The following DIS3L2 variants were observed in gnomAD, a reference collection of about 807,000 sequenced individuals.
DIS3L2 encodes the protein DIS3 like 3'-5' exoribonuclease 2, also known as DIS3-like exonuclease 2.
A neutral mutation model predicts 97.5 loss-of-function variants in DIS3L2; 34 were observed. The observed-to-expected ratio is 0.35, with a 90% CI of 0.27 to 0.46. The LOEUF is 0.46. Among genes scored for constraint, DIS3L2 ranks in the 20% least tolerant of loss-of-function variants. The pLI is 1.00. For synonymous variants in DIS3L2, 435 were observed against 445.2 expected, an observed-to-expected ratio of 0.98 and a Z score of 0.29; for missense variants, 1,038 against 1,146.0, an observed-to-expected ratio of 0.91 and a Z score of 1.36.
chr2:232,019,250 A>G (rs1694443451), intron 3 of DIS3L2, among the ~76,000 whole-genome samples: 1 of 152,178 alleles, frequency 6.6e-6, no homozygotes, highest in South Asian at 2.1e-4. Context: ...GACCTTCACC[A>G]TTTGTTAAGA....
At chr2:232,116,192 A>AAATG (rs1478954879) in intron 6 of DIS3L2, among the ~76,000 whole-genome samples, 5 of 150,750 alleles carry the variant, frequency 3.3e-5, no homozygotes, top group African/African-American at 1.2e-4. Context: ...ATGAATAAAT[A>AAATG]AATAAATAAA....
At chr2:232,045,060 A>G (rs745686816) in intron 5 of DIS3L2, among the ~76,000 whole-genome samples, 1 of 152,144 alleles carries the variant, frequency 6.6e-6, no homozygotes, top group Non-Finnish European at 1.5e-5. Context: ...GATAGAGAAA[A>G]AATCCTGGGT....
chr2:232,321,617 C>T (rs10933389), intron 14 of DIS3L2, among the ~76,000 whole-genome samples: 9 of 152,116 alleles, frequency 5.9e-5, no homozygotes, highest in East Asian at 3.9e-4. Context: ...GGCAGTGACG[C>T]GAAACCAAGA....
At chr2:232,163,044 C>G (rs1231506478) in intron 8 of DIS3L2, among the ~76,000 whole-genome samples, 2 of 151,930 alleles carry the variant, frequency 1.3e-5, no homozygotes, top group East Asian at 3.8e-4. Context: ...AGATTAAAAA[C>G]TGGTAGAGTT....
chr2:232,084,460 G>C (rs556044817), intron 5 of DIS3L2, among the ~76,000 whole-genome samples: 5 of 152,144 alleles, frequency 3.3e-5, no homozygotes, highest in Non-Finnish European at 7.3e-5. Flanking sequence ...TGCTCAAAAA[G>C]TTTCAGATTT....
chr2:232,230,395 C>T (rs1433979206), intron 10 of DIS3L2, among the ~76,000 whole-genome samples: 7 of 152,202 alleles, frequency 4.6e-5, no homozygotes, highest in Admixed American at 1.3e-4. Flanking sequence ...ACATCCCTTT[C>T]GCTCAGCCCC....
intron 14 of DIS3L2, among the ~76,000 whole-genome samples, chr2:232,317,509 T>C (rs1234870704): frequency 6.6e-6 from 1 of 152,184 alleles, no homozygotes; most frequent in Non-Finnish European, 1.5e-5. Flanking sequence ...CGATCTCTGC[T>C]CACTGTAACC....
chr2:232,330,583 A>G (rs892080407), intron 15 of DIS3L2, 107 bp from the exon 16 acceptor site: 2 of 1,190,276 alleles, frequency 1.7e-6, no homozygotes, highest in Non-Finnish European at 2.5e-6. Context: ...CCCACAGGCA[A>G]CTCCTCCCCC....
intron 8 of DIS3L2, among the ~76,000 whole-genome samples, chr2:232,139,253 C>A (rs576613452): frequency 6.6e-6 from 1 of 152,292 alleles, no homozygotes; most frequent in African/African-American, 2.4e-5. Context: ...CTGTGACTAG[C>A]CCAGCCACCA....
At position 231,966,159 on chromosome 2, in the gene DIS3L2, C is replaced by A. The variant is rs564101811; in HGVS notation, c.-94+4394C>A. On this transcript the variant is annotated intron_variant, in intron 1 of 20. Coordinates refer to ENST00000325385, the MANE Select transcript of DIS3L2 (RefSeq NM_152383.5). ...AGGGAGTGGAGACTTGACCAGAATT[C>A]TTCTTCTTCTTCTTTTTTTTTTTTT... Among the ~76,000 whole-genome samples, 82 of 138,660 alleles carry A rather than the reference C, an allele frequency of 5.9e-4. No homozygotes were observed. The South Asian group carries it at 0.01, about 17-fold the overall frequency. The allele number at this position is 138,660 out of a possible 152,430, so 91.0% of individuals were successfully genotyped here.
At chr2:232,250,194 A>G (rs1355421013) in intron 12 of DIS3L2, among the ~76,000 whole-genome samples, 1 of 152,232 alleles carries the variant, frequency 6.6e-6, no homozygotes, top group Non-Finnish European at 1.5e-5. Context: ...ATGGAAGAAC[A>G]TGGGAAGTGT....
At chr2:232,139,355 G>A (rs756931370) in intron 8 of DIS3L2, among the ~76,000 whole-genome samples, 2 of 152,138 alleles carry the variant, frequency 1.3e-5, no homozygotes, top group East Asian at 1.9e-4. Flanking sequence ...AACAGCACAC[G>A]TGGCCCCAAA....
chr2:232,193,043 G>A (rs1170258736), intron 9 of DIS3L2, among the ~76,000 whole-genome samples: 2 of 152,086 alleles, frequency 1.3e-5, no homozygotes, highest in African/African-American at 4.8e-5. Flanking sequence ...CAGCTACCAC[G>A]GTGCTCTCCG....
intron 11 of DIS3L2, among the ~76,000 whole-genome samples, chr2:232,247,406 G>C (rs944888012): frequency 6.6e-6 from 1 of 152,082 alleles, no homozygotes; most frequent in Admixed American, 6.5e-5. Context: ...GTCTCTTCTT[G>C]ATTTGTATAT....
chr2:232,022,776 G>A (rs1003166809), intron 3 of DIS3L2, among the ~76,000 whole-genome samples: 12 of 152,272 alleles, frequency 7.9e-5, no homozygotes, highest in East Asian at 3.9e-4. Context: ...CATGCTATTC[G>A]TTAGGAAATA....
At chr2:232,109,175 G>A (rs1697447494) in intron 6 of DIS3L2, among the ~76,000 whole-genome samples, 1 of 152,188 alleles carries the variant, frequency 6.6e-6, no homozygotes, top group African/African-American at 2.4e-5. Flanking sequence ...GGGCCAGGCG[G>A]TGGCTCATGC....
intron 10 of DIS3L2, among the ~76,000 whole-genome samples, chr2:232,213,918 A>G (rs1053643661): frequency 2.0e-5 from 3 of 152,088 alleles, no homozygotes; most frequent in African/African-American, 7.2e-5. Flanking sequence ...CAGGCGGAGG[A>G]GAGGGTGCCA....
At chr2:231,978,037 G>C (rs1308120834) in intron 1 of DIS3L2, among the ~76,000 whole-genome samples, 1 of 152,122 alleles carries the variant, frequency 6.6e-6, no homozygotes, top group East Asian at 1.9e-4. Flanking sequence ...ACTCCTAGAA[G>C]GTGATAGAAG....
At chr2:232,294,871 G>A (rs1421074017) in intron 13 of DIS3L2, among the ~76,000 whole-genome samples, 1 of 152,136 alleles carries the variant, frequency 6.6e-6, no homozygotes, top group South Asian at 2.1e-4. Flanking sequence ...GACAGAGGAC[G>A]TGCTTAATAA....
Sources: allele counts gnomAD v4.1 joint callset (sites outside exome capture counted in the v4.1 genomes callset), GRCh38; gene constraint gnomAD v4.1.1; transcripts MANE v1.5; gene names NCBI Gene and HGNC (gene_info 2026-07-23, HGNC 2026-07-21).